UCK2: variants seen among roughly 807,000 people sequenced by gnomAD.
The protein encoded by UCK2 is cytidine monophosphokinase 2.
Under a neutral mutation model 30.8 loss-of-function variants are expected in UCK2, and 6 were observed. The observed-to-expected ratio is 0.19, with a 90% confidence interval of 0.11 to 0.38. The LOEUF (loss-of-function observed/expected upper bound fraction) is 0.38, where lower values mean the gene tolerates loss of function less well. Among genes scored for constraint, UCK2 ranks in the 10% least tolerant of loss-of-function variants. UCK2 has a pLI of 1.00. For missense variants in UCK2, 210 were observed against 339.8 expected (o/e 0.62, Z 3.00); for synonymous variants, 125 against 133.6 (o/e 0.94, Z 0.45).
chr1:165,857,295 A>G (rs1654771787), intron 1 of UCK2, among the ~76,000 whole-genome samples: 2 of 152,236 alleles, frequency 1.3e-5, no homozygotes, highest in African/African-American at 4.8e-5. Flanking sequence ...TAGGTGACTT[A>G]TGGTACTAAG....
chr1:165,882,204 A>G (rs1288225818), intron 1 of UCK2, among the ~76,000 whole-genome samples: 1 of 152,166 alleles, frequency 6.6e-6, no homozygotes, highest in Non-Finnish European at 1.5e-5. Context: ...GTTCAGGTGT[A>G]TGTTCATCAC....
intron 1 of UCK2, among the ~76,000 whole-genome samples, chr1:165,849,303 G>C (rs1253220154): frequency 6.6e-6 from 1 of 152,170 alleles, no homozygotes; most frequent in South Asian, 2.1e-4. Flanking sequence ...GTGGTCAGGT[G>C]GTGGAGAGCT....
At chr1:165,890,703 C>T (rs1655744051) in intron 2 of UCK2, 2 of 299,922 alleles carry the variant, frequency 6.7e-6, no homozygotes, top group Non-Finnish European at 1.3e-5. Context: ...TCAGACCCTC[C>T]TCCTCAGGTG....
chr1:165,844,232 T>G (rs891656184), intron 1 of UCK2, among the ~76,000 whole-genome samples: 3 of 152,248 alleles, frequency 2.0e-5, no homozygotes, highest in African/African-American at 7.2e-5. Flanking sequence ...CACGTATGCC[T>G]TCTCCTGCAG....
At chr1:165,875,799 G>C (rs1655318362) in intron 1 of UCK2, among the ~76,000 whole-genome samples, 1 of 152,168 alleles carries the variant, frequency 6.6e-6, no homozygotes, top group Non-Finnish European at 1.5e-5. Flanking sequence ...CCCCTCCCTT[G>C]TGTGCCACCC....
chr1:165,859,692 TG>T (rs1654846465), intron 1 of UCK2, among the ~76,000 whole-genome samples: 1 of 152,064 alleles, frequency 6.6e-6, no homozygotes, highest in South Asian at 2.1e-4. Flanking sequence ...CAGGGTGTGG[TG>T]GTGCATGCCT....
At chr1:165,896,480 G>GTCGGTCCAGCCCGGCTGCT in intron 4 of UCK2, 148 bp downstream of exon 4, 1 of 855,564 alleles carries the variant, frequency 1.2e-6, no homozygotes, top group South Asian at 1.6e-5. Flanking sequence ...GCCCGGCTGC[G>GTCGGTCCAGCCCGGCTGCT]TCAGTCCAGC....
intron 1 of UCK2, among the ~76,000 whole-genome samples, chr1:165,851,552 A>G (rs112567019): frequency 0.017 from 2,616 of 151,946 alleles, 79 homozygotes; most frequent in African/African-American, 0.059. Flanking sequence ...CCACTCCCCG[A>G]CCCCTGCAAT....
At chr1:165,850,954 T>A (rs112939646) in intron 1 of UCK2, among the ~76,000 whole-genome samples, 4,699 of 118,330 alleles carry the variant, frequency 0.04, 188 homozygotes, top group African/African-American at 0.1. Flanking sequence ...TTTTTTTTTT[T>A]AATAGAGAAT....
chr1:165,898,710 A>C (rs1421236039), intron 4 of UCK2, among the ~76,000 whole-genome samples: 3 of 152,210 alleles, frequency 2.0e-5, no homozygotes, highest in East Asian at 3.9e-4. Flanking sequence ...ACAGATCATC[A>C]CGGTGTGGTT....
In UCK2 at chr1:165,827,943, G is replaced by T; in HGVS notation, c.99+11G>T. ...ACAGCTAGCGGCAAGGTACGGCGGG[G>T]CCCGGAGCCGCGCTCCCTTCCCGGC... On this transcript the variant is annotated intron_variant, in intron 1 of 6. Coordinates refer to ENST00000367879, the MANE Select transcript of UCK2 (RefSeq NM_012474.5). 1 of 1,347,928 alleles carries T rather than the reference G, an allele frequency of 7.4e-7. No homozygotes were observed. The highest frequency in any genetic ancestry group is 9.6e-7 in the Non-Finnish European group (1 of 1,040,112). 83.5% of individuals were successfully genotyped at this position (1,347,928 alleles called of 1,614,324 possible). A position where few individuals can be genotyped will look rare whatever the true frequency, so the allele number is the denominator to read the frequency against.
intron 1 of UCK2, among the ~76,000 whole-genome samples, chr1:165,856,915 T>G (rs1654761463): frequency 1.3e-5 from 2 of 149,854 alleles, no homozygotes; most frequent in South Asian, 4.3e-4. Context: ...TTTTTTTTTT[T>G]TTTTTACTTT....
chr1:165,863,309 C>T (rs901969557), intron 1 of UCK2, among the ~76,000 whole-genome samples: 1 of 152,166 alleles, frequency 6.6e-6, no homozygotes, highest in Non-Finnish European at 1.5e-5. Context: ...TTGTGAATGG[C>T]GTGAGGAAAA....
intron 1 of UCK2, among the ~76,000 whole-genome samples, chr1:165,834,234 C>G (rs977420167): frequency 9.9e-5 from 15 of 151,986 alleles, no homozygotes; most frequent in Non-Finnish European, 1.9e-4. Context: ...TAAAAAGATC[C>G]AAGTAGAGGA....
intron 1 of UCK2, among the ~76,000 whole-genome samples, chr1:165,864,237 C>T (rs1029942764): frequency 5.9e-5 from 9 of 152,200 alleles, no homozygotes; most frequent in East Asian, 1.9e-4. Context: ...CATGAGCCAC[C>T]GCGCCCAGCC....
At chr1:165,869,659 C>CTTTTT (rs71100867) in intron 1 of UCK2, among the ~76,000 whole-genome samples, 6 of 73,984 alleles carry the variant, frequency 8.1e-5, no homozygotes, top group Admixed American at 2.1e-4. Flanking sequence ...CATCATGGGC[C>CTTTTT]TTTTTTTTTT....
intron 1 of UCK2, among the ~76,000 whole-genome samples, chr1:165,864,308 C>T (rs1455670259): frequency 2.0e-5 from 3 of 152,202 alleles, no homozygotes; most frequent in South Asian, 2.1e-4. Context: ...AGGTCTGCCA[C>T]CTCTTTGTGC....
chr1:165,883,354 G>C (rs964553000), intron 1 of UCK2, among the ~76,000 whole-genome samples: 2 of 152,152 alleles, frequency 1.3e-5, no homozygotes, highest in Non-Finnish European at 2.9e-5. Context: ...AAGGACTGAT[G>C]GCTTGAGTCC....
intron 1 of UCK2, among the ~76,000 whole-genome samples, chr1:165,863,309 C>G (rs901969557): frequency 6.6e-6 from 1 of 152,166 alleles, no homozygotes. Flanking sequence ...TTGTGAATGG[C>G]GTGAGGAAAA....
Sources: allele counts gnomAD v4.1 joint callset (sites outside exome capture counted in the v4.1 genomes callset), GRCh38; gene constraint gnomAD v4.1.1; transcripts MANE v1.5; gene names NCBI Gene and HGNC (gene_info 2026-07-23, HGNC 2026-07-21).